Variants in PLA2G4F observed in about 807,000 individuals in gnomAD.
The protein encoded by PLA2G4F is cytosolic phospholipase A2 zeta.
In PLA2G4F, 105 loss-of-function variants were observed where a neutral mutation model predicts 103.1. That is an observed-to-expected ratio of 1.02 (90% CI 0.87 to 1.20). The LOEUF is 1.20. Ranked by LOEUF, PLA2G4F falls within the 50% of genes most tolerant of loss-of-function variation. The pLI is 0.00. For missense variants in PLA2G4F, 1,155 were observed against 1,075.9 expected, an observed-to-expected ratio of 1.07 and a Z score of -1.03; for synonymous variants, 468 against 441.1, an observed-to-expected ratio of 1.06 and a Z score of -0.76.
intron 18 of PLA2G4F, among the ~76,000 whole-genome samples, chr15:42,143,286 TCCGCCATGGTCCTCCAGGAA>T (rs1213262734): frequency 6.6e-6 from 1 of 150,816 alleles, no homozygotes; most frequent in Non-Finnish European, 1.5e-5. Flanking sequence ...TCAACAGCAT[TCCGCCATGGTCCTCCAGGAA>T]CCACCATGGT....
rs1282500066 is a variant in PLA2G4F, at chr15:42,141,256, C to T, written c.*728G>A. Reference sequence around the variant, plus strand: ...ATGATGTGGCCACTACACACATCACCAGAGACTGTGGTCCAGGTTCGAAGA... The same window carrying T: ...ATGATGTGGCCACTACACACATCACTAGAGACTGTGGTCCAGGTTCGAAGA... On this transcript the variant is annotated 3_prime_UTR_variant, in exon 20 of 20. Transcript: ENST00000397272. 2.2e-6 allele frequency: 1 copy of T among 456,706 alleles called. No individual in the cohort carries two copies. Among genetic ancestry groups the T allele is most frequent in the Non-Finnish European group, 4.4e-6 (1 of 226,964 alleles). The allele number at this position is 456,706 out of a possible 1,614,324, so 28.3% of individuals were successfully genotyped here. A position where few individuals can be genotyped will look rare whatever the true frequency, so the allele number is the denominator to read the frequency against.
intron 6 of PLA2G4F, 54 bp downstream of exon 6, chr15:42,153,246 G>T: frequency 1.3e-6 from 2 of 1,561,870 alleles, no homozygotes; most frequent in Non-Finnish European, 1.7e-6. Context: ...CCTGTCACGG[G>T]TTCCTCACTG....
Position 42,153,356 on chromosome 15 carries a change from G to A in PLA2G4F, c.492-14C>T. ...GCAGGCACCTGGCTGCAAAGGATGAGGAATACATGGAGAATACATCTGGCC... is the reference window on the plus strand; with the variant it reads ...GCAGGCACCTGGCTGCAAAGGATGAAGAATACATGGAGAATACATCTGGCC... On this transcript the variant is annotated splice_polypyrimidine_tract_variant and intron_variant, in intron 5 of 19. Coordinates refer to ENST00000397272, the MANE Select transcript of PLA2G4F (RefSeq NM_213600.4). 1 of 1,612,922 alleles carries A rather than the reference G, an allele frequency of 6.2e-7. No homozygotes were observed. The highest frequency in any genetic ancestry group is 8.5e-7 in the Non-Finnish European group (1 of 1,179,002).
chr15:42,142,422 A>G, intron 19 of PLA2G4F, 106 bp downstream of exon 19: 1 of 1,364,984 alleles, frequency 7.3e-7, no homozygotes, highest in Non-Finnish European at 9.9e-7. Context: ...CAGGCCCACC[A>G]GGAGGCGTGC....
chr15:42,147,043 C>T, intron 13 of PLA2G4F, 81 bp downstream of exon 13: 2 of 1,338,334 alleles, frequency 1.5e-6, no homozygotes, highest in Admixed American at 1.9e-5. Context: ...CAGATCTTAG[C>T]CTGAGGGATG....
At chr15:42,146,097 C>T (rs1036397820) in intron 14 of PLA2G4F, 30 bp downstream of exon 14, 1 of 1,609,374 alleles carries the variant, frequency 6.2e-7, no homozygotes, top group Non-Finnish European at 8.5e-7. Flanking sequence ...ACCTCCTCTA[C>T]CTCCTTCCTT....
chr15:42,141,969 C>G lies in PLA2G4F; in HGVS notation c.*15G>C. 1 of 1,607,360 alleles carries G rather than the reference C, an allele frequency of 6.2e-7. No homozygotes were observed. On this transcript the variant is annotated 3_prime_UTR_variant, in exon 20 of 20. Transcript: ENST00000397272. ...GTGTCTCCTCTCTGTCACAGTCCTC[C>G]GCTTCCTGCCTTGGTCAGGCCCCTG...
Position 42,151,108 on chromosome 15 carries a change from AG to A in PLA2G4F, c.602-332del, listed in dbSNP as rs200721195. ...TTGAGATGATTCTATGTTTATCATA[AG>A]AATGAGCAGTTTTCAGGCAGTGGTT... On this transcript the variant is annotated intron_variant, in intron 7 of 19. Coordinates refer to ENST00000397272, the MANE Select transcript of PLA2G4F (RefSeq NM_213600.4). 1.6e-3 allele frequency: 1,598 copies of A among 985,302 alleles called. 19 individuals carry two copies. In the African/African-American group the frequency reaches 0.026, roughly 16 times the overall value. 61.0% of individuals were successfully genotyped at this position (985,302 alleles called of 1,614,324 possible).
chr15:42,146,987 C>A, intron 13 of PLA2G4F, 137 bp downstream of exon 13: 2 of 864,506 alleles, frequency 2.3e-6, no homozygotes, highest in South Asian at 3.4e-5. Flanking sequence ...TGGAGTCACA[C>A]TCCTGGCCCC....
chr15:42,144,046 C>T lies in PLA2G4F; in HGVS notation c.2074G>A (p.Ala692Thr). ...GFAINSPFPL[A>T]LLPQRAVDLI... ...TCCACTGCTCTCTGAGGCAGCAGAG[C>T]CAGTGGGAACGGAGAGTTGATGGCA... is the stretch of plus-strand genomic sequence containing the variant. Residue 692 changes from alanine (A) to threonine (T), a missense_variant, in exon 18 of 20, where the codon GCT (alanine) becomes ACT (threonine). By Grantham distance (58) the Ala-to-Thr change is moderately conservative. Coordinates refer to ENST00000397272, the MANE Select transcript of PLA2G4F (RefSeq NM_213600.4). The T allele has an allele frequency of 6.2e-7, 1 of 1,614,056 alleles. No homozygotes were observed. The highest frequency in any genetic ancestry group is 8.5e-7 in the Non-Finnish European group (1 of 1,179,968).
chr15:42,147,103 T>C, intron 13 of PLA2G4F, 21 bp downstream of exon 13: 1 of 1,602,382 alleles, frequency 6.2e-7, no homozygotes, highest in Non-Finnish European at 8.5e-7. Context: ...CCTACGTATT[T>C]CCTTCTGGCT....
At chr15:42,145,299 C>G (rs1175146661) in intron 16 of PLA2G4F, among the ~76,000 whole-genome samples, 2 of 152,134 alleles carry the variant, frequency 1.3e-5, no homozygotes, top group Non-Finnish European at 2.9e-5. Context: ...ATTTAAGGAC[C>G]AGGCTGAAGA....
chr15:42,151,099 T>C (rs2140812262), intron 7 of PLA2G4F: 1 of 985,152 alleles, frequency 1.0e-6, no homozygotes, highest in South Asian at 4.7e-5. Flanking sequence ...TGATTCTATG[T>C]TTATCATAAG....
rs778962262 is a variant in PLA2G4F, at chr15:42,155,597, A to G, written c.112-8T>C. 5 of 1,613,500 alleles carry G rather than the reference A, an allele frequency of 3.1e-6. No individual in the cohort carries two copies. The African/African-American group carries it at 5.3e-5, about 17-fold the overall frequency. On this transcript the variant is annotated splice_polypyrimidine_tract_variant and splice_region_variant and intron_variant, in intron 1 of 19. Coordinates refer to ENST00000397272, the MANE Select transcript of PLA2G4F (RefSeq NM_213600.4). ...GTATGGGTAGGTTTCCCGCTGCAATAACAGAACTCCAGGGACTCAGTCAGC... is the reference window on the plus strand; with the variant it reads ...GTATGGGTAGGTTTCCCGCTGCAATGACAGAACTCCAGGGACTCAGTCAGC...
At chr15:42,151,767 A>G in intron 7 of PLA2G4F, 1 of 715,038 alleles carries the variant, frequency 1.4e-6, no homozygotes. Flanking sequence ...TCCGTGGTTG[A>G]GAGAAGCGGA....
intron 2 of PLA2G4F, 55 bp downstream of exon 2, chr15:42,155,462 T>A: frequency 6.3e-7 from 1 of 1,578,354 alleles, no homozygotes; most frequent in Non-Finnish European, 8.7e-7. Context: ...TGAGCTGAGC[T>A]CTGAGGAAGC....
intron 10 of PLA2G4F, 40 bp from the exon 11 acceptor site, chr15:42,149,888 G>A (rs764897745): frequency 1.2e-6 from 2 of 1,605,338 alleles, no homozygotes; most frequent in Non-Finnish European, 1.7e-6. Flanking sequence ...GGGGTTCTGG[G>A]TGACTGTCCA....
At chr15:42,143,323 T>C (rs2048844893) in intron 18 of PLA2G4F, among the ~76,000 whole-genome samples, 2 of 152,084 alleles carry the variant, frequency 1.3e-5, no homozygotes, top group Non-Finnish European at 2.9e-5. Flanking sequence ...TGGTCTTCCC[T>C]TCTCTCACCC....
intron 12 of PLA2G4F, 63 bp downstream of exon 12, chr15:42,147,562 CA>C (rs1389953832): frequency 8.9e-6 from 14 of 1,568,340 alleles, no homozygotes; most frequent in African/African-American, 1.4e-5. Flanking sequence ...TTAAGATCAC[CA>C]GGTCACAACC....
Sources: allele counts gnomAD v4.1 joint callset (sites outside exome capture counted in the v4.1 genomes callset), GRCh38; gene constraint gnomAD v4.1.1; transcripts MANE v1.5; gene names NCBI Gene and HGNC (gene_info 2026-07-23, HGNC 2026-07-21).